Variants in RBMS3 observed in about 807,000 individuals in gnomAD.
RBMS3 encodes RNA binding motif single stranded interacting protein 3.
Under a neutral mutation model 66.8 loss-of-function variants are expected in RBMS3, and 27 were observed. The observed-to-expected ratio is 0.40, with a 90% CI of 0.30 to 0.56. The LOEUF (loss-of-function observed/expected upper bound fraction) is 0.56. Ranked by LOEUF, RBMS3 falls within the 20% of genes least tolerant of loss-of-function variation. RBMS3 has a pLI of 0.40. For missense variants in RBMS3, 513 were observed against 549.5 expected (o/e 0.93, Z 0.66); for synonymous variants, 188 against 183.0 (o/e 1.03, Z -0.22).
At chr3:29,979,900 G>A (rs1173247387) in intron 12 of RBMS3, among the ~76,000 whole-genome samples, 1 of 152,138 alleles carries the variant, frequency 6.6e-6, no homozygotes, top group African/African-American at 2.4e-5. Context: ...AAACATATGT[G>A]TGCATGTGTC....
At chr3:29,632,213 C>T (rs886978466) in intron 4 of RBMS3, among the ~76,000 whole-genome samples, 1 of 151,876 alleles carries the variant, frequency 6.6e-6, no homozygotes, top group African/African-American at 2.4e-5. Flanking sequence ...ACAGATGATT[C>T]AAAGTGTTAG....
At chr3:29,990,182 T>TAAATTAGGAAAGAAAAGATTG (rs1698736755) in intron 13 of RBMS3, among the ~76,000 whole-genome samples, 1 of 146,550 alleles carries the variant, frequency 6.8e-6, no homozygotes, top group East Asian at 2.4e-4. Flanking sequence ...TACCAAATAG[T>TAAATTAGGAAAGAAAAGATTG]AAATTAGGAA....
intron 4 of RBMS3, among the ~76,000 whole-genome samples, chr3:29,682,304 T>C (rs554055406): frequency 1.4e-4 from 21 of 152,102 alleles, no homozygotes; most frequent in Non-Finnish European, 2.8e-4. Flanking sequence ...CGCCACCATG[T>C]CCAGGTAATT....
At chr3:29,625,518 A>T (rs2049027536) in intron 4 of RBMS3, among the ~76,000 whole-genome samples, 1 of 151,780 alleles carries the variant, frequency 6.6e-6, no homozygotes, top group Non-Finnish European at 1.5e-5. Flanking sequence ...AAGTGGTGAA[A>T]CTCCATCTCT....
At chr3:29,285,368 G>A (rs1042950831) in intron 1 of RBMS3, among the ~76,000 whole-genome samples, 2 of 151,780 alleles carry the variant, frequency 1.3e-5, no homozygotes, top group Admixed American at 6.6e-5. Flanking sequence ...TTTTCCAGCC[G>A]AGAAATAGAT....
At chr3:29,421,726 A>G (rs2125702804) in intron 1 of RBMS3, among the ~76,000 whole-genome samples, 1 of 152,294 alleles carries the variant, frequency 6.6e-6, no homozygotes, top group African/African-American at 2.4e-5. Flanking sequence ...AGTAGCTACT[A>G]TTAGTAGCTC....
intron 3 of RBMS3, among the ~76,000 whole-genome samples, chr3:29,513,863 C>G (rs548397916): frequency 2.3e-4 from 35 of 152,290 alleles, no homozygotes; most frequent in African/African-American, 7.9e-4. Context: ...CCTAGCTTTT[C>G]CATAGCTGAG....
At chr3:29,832,786 CACCCATGAACT>C (rs1175843630) in intron 6 of RBMS3, among the ~76,000 whole-genome samples, 1 of 152,122 alleles carries the variant, frequency 6.6e-6, no homozygotes, top group Non-Finnish European at 1.5e-5. Context: ...TGAGGAAGTC[CACCCATGAACT>C]ACTTAGGAGG....
In RBMS3 at chr3:29,642,160, T is replaced by G. The variant is rs577036749; in HGVS notation, c.399+54955T>G. Among the ~76,000 whole-genome samples, 8 of 152,208 alleles carry G rather than the reference T, an allele frequency of 5.3e-5. No individual in the cohort carries two copies. The South Asian group carries it at 1.2e-3, about 24-fold the overall frequency. ...AGGTTATAACCCGTAGATCTGCCAA[T>G]GAGTGGATTCTGACCCTGGGTGAAG... On this transcript the variant is annotated intron_variant, in intron 4 of 14. Transcript: ENST00000383767.
intron 4 of RBMS3, among the ~76,000 whole-genome samples, chr3:29,715,351 C>T (rs2053347514): frequency 6.6e-6 from 1 of 152,074 alleles, no homozygotes; most frequent in Non-Finnish European, 1.5e-5. Context: ...ATTAGAGAGA[C>T]TTAGAAACTG....
At chr3:29,834,967 A>G (rs2149493086) in intron 6 of RBMS3, among the ~76,000 whole-genome samples, 1 of 152,142 alleles carries the variant, frequency 6.6e-6, no homozygotes, top group African/African-American at 2.4e-5. Flanking sequence ...GCTGAAACCA[A>G]AAAGAGCAGG....
intron 12 of RBMS3, among the ~76,000 whole-genome samples, chr3:29,964,284 A>G (rs1696680431): frequency 6.6e-6 from 1 of 151,662 alleles, no homozygotes; most frequent in Admixed American, 6.6e-5. Flanking sequence ...AGTCTCCAAA[A>G]ATTAACAGAA....
At chr3:29,640,621 C>T (rs1192759940) in intron 4 of RBMS3, among the ~76,000 whole-genome samples, 1 of 151,890 alleles carries the variant, frequency 6.6e-6, no homozygotes, top group Non-Finnish European at 1.5e-5. Context: ...TGCATAGATT[C>T]CACTGGTTCA....
chr3:29,349,758 C>G (rs927529341), intron 1 of RBMS3, among the ~76,000 whole-genome samples: 5 of 152,148 alleles, frequency 3.3e-5, no homozygotes, highest in Non-Finnish European at 5.9e-5. Flanking sequence ...GTTAAAGAAT[C>G]CAATGTAACA....
At chr3:29,341,882 T>G (rs906410241) in intron 1 of RBMS3, among the ~76,000 whole-genome samples, 1 of 152,172 alleles carries the variant, frequency 6.6e-6, no homozygotes, top group Non-Finnish European at 1.5e-5. Context: ...AACTGAACTC[T>G]TCATTTTCAG....
intron 1 of RBMS3, among the ~76,000 whole-genome samples, chr3:29,305,994 G>T (rs1354734070): frequency 1.3e-5 from 2 of 151,932 alleles, no homozygotes; most frequent in Non-Finnish European, 2.9e-5. Context: ...TTCGTTACTT[G>T]TTCTAAAAAC....
chr3:29,332,097 G>C (rs1342429702), intron 1 of RBMS3, among the ~76,000 whole-genome samples: 4 of 151,926 alleles, frequency 2.6e-5, no homozygotes, highest in African/African-American at 9.7e-5. Flanking sequence ...CTAGGTTTGT[G>C]ATAACAGTCT....
chr3:29,355,443 C>A (rs1029241733), intron 1 of RBMS3, among the ~76,000 whole-genome samples: 4 of 151,884 alleles, frequency 2.6e-5, no homozygotes, highest in African/African-American at 9.7e-5. Context: ...GTCATCAGTG[C>A]ACTTAAAAAA....
intron 2 of RBMS3, among the ~76,000 whole-genome samples, chr3:29,472,617 T>C (rs951969400): frequency 2.6e-5 from 4 of 152,086 alleles, no homozygotes; most frequent in Non-Finnish European, 4.4e-5. Context: ...GTGGTCTCAC[T>C]GGCTCAGGAG....
Sources: allele counts gnomAD v4.1 joint callset (sites outside exome capture counted in the v4.1 genomes callset), GRCh38; gene constraint gnomAD v4.1.1; transcripts MANE v1.5; gene names NCBI Gene and HGNC (gene_info 2026-07-23, HGNC 2026-07-21).